BCAS3: variants seen among roughly 807,000 people sequenced by gnomAD.
The protein encoded by BCAS3 is BCAS4/BCAS3 fusion.
BCAS3 carries 53 observed loss-of-function variants against 116.1 expected under a neutral mutation model. The observed-to-expected ratio is 0.46, with a 90% CI of 0.37 to 0.57. The LOEUF is 0.57. Among genes scored for constraint, BCAS3 ranks in the 20% least tolerant of loss-of-function variants. The pLI is 0.00. For synonymous variants in BCAS3, 391 were observed against 408.2 expected, an observed-to-expected ratio of 0.96 and a Z score of 0.51; for missense variants, 917 against 1,165.4, an observed-to-expected ratio of 0.79 and a Z score of 3.10.
chr17:60,935,158 T>C (rs566910184), intron 13 of BCAS3, among the ~76,000 whole-genome samples: 1 of 152,006 alleles, frequency 6.6e-6, no homozygotes, highest in East Asian at 1.9e-4. Flanking sequence ...TATGGACTTA[T>C]TAACATAGAC....
At chr17:61,115,743 A>G (rs2075388961) in intron 22 of BCAS3, among the ~76,000 whole-genome samples, 2 of 147,594 alleles carry the variant, frequency 1.4e-5, no homozygotes, top group South Asian at 4.4e-4. Context: ...ATTACTGGGT[A>G]TATACCCAAA....
chr17:60,854,955 T>G (rs981795634), intron 7 of BCAS3, among the ~76,000 whole-genome samples: 1 of 141,058 alleles, frequency 7.1e-6, no homozygotes, highest in African/African-American at 2.7e-5. Flanking sequence ...TGAGGTTTTT[T>G]TTTTTTTTTT....
chr17:60,703,254 G>A (rs948719861), intron 4 of BCAS3, among the ~76,000 whole-genome samples: 3 of 149,650 alleles, frequency 2.0e-5, no homozygotes, highest in Admixed American at 1.3e-4. Context: ...CAGCCTGAGC[G>A]ACAGAGTGAG....
rs2061699333 is a variant in BCAS3, at chr17:60,967,063, A to G, written c.1221+19711A>G. ...AGATTTATCTTTTGGGTTTCATACT[A>G]GAGTTATGAGTGGATTGTACACCAC... On this transcript the variant is annotated intron_variant, in intron 14 of 23. Transcript: ENST00000407086. The surrounding 1 kb of genome is among the most constrained non-coding windows in gnomAD (Gnocchi z 4.7). 6.6e-6 allele frequency among the ~76,000 whole-genome samples: 1 copy of G among 152,192 alleles called. No individual in the cohort carries two copies. The highest frequency in any genetic ancestry group is 1.5e-5 in the Non-Finnish European group (1 of 68,034).
chr17:61,234,996 T>G (rs1847830931), intron 22 of BCAS3, among the ~76,000 whole-genome samples: 1 of 152,138 alleles, frequency 6.6e-6, no homozygotes. Flanking sequence ...CAAGCAATTC[T>G]CCTTCCTCAG....
rs146427138 is a variant in BCAS3 at position 60,748,165 on chromosome 17, A to G, written c.403+886A>G. ...AAAAAAATCTTATAAGACTTCTTGT[A>G]GCAGCTAATCCTCTAAATTTGTGAG... On this transcript the variant is annotated intron_variant, in intron 6 of 23. Transcript: ENST00000407086. Among the ~76,000 whole-genome samples the G allele has an allele frequency of 6.2e-4, 94 of 152,346 alleles. 4 individuals carry two copies. In the East Asian group the frequency reaches 0.017, roughly 28 times the overall value.
chr17:60,703,653 G>A (rs2036716182), intron 4 of BCAS3, among the ~76,000 whole-genome samples: 1 of 151,588 alleles, frequency 6.6e-6, no homozygotes, highest in African/African-American at 2.4e-5. Context: ...GGTGGCTCAC[G>A]CCTGTAATCC....
rs2072911302 is a variant in BCAS3, at chr17:61,084,406, T to C, written c.2328-61T>C. ...CCAGCATTCCTGATTTAAGGTCATT[T>C]GTAGCAAGTGACAGTTTTGATGCCA... On this transcript the variant is annotated intron_variant, in intron 21 of 23. Coordinates refer to ENST00000407086, the MANE Select transcript of BCAS3 (RefSeq NM_017679.5). The surrounding 1 kb of genome is among the most constrained non-coding windows in gnomAD (Gnocchi z 5.5). The C allele has an allele frequency of 8.1e-6, 11 of 1,356,318 alleles. No individual in the cohort carries two copies. Among genetic ancestry groups the C allele is most frequent in the Non-Finnish European group, 1.1e-5 (11 of 968,248 alleles). The allele number at this position is 1,356,318 out of a possible 1,614,324, so 84.0% of individuals were successfully genotyped here. A position where few individuals can be genotyped will look rare whatever the true frequency, so the allele number is the denominator to read the frequency against.
intron 13 of BCAS3, among the ~76,000 whole-genome samples, chr17:60,928,400 CA>C (rs1414086017): frequency 1.3e-5 from 2 of 152,060 alleles, no homozygotes; most frequent in Non-Finnish European, 2.9e-5. Context: ...GATTGTGAAC[CA>C]TAGTCTGTAT....
At chr17:60,724,720 TAAAAA>T (rs111941126) in intron 5 of BCAS3, among the ~76,000 whole-genome samples, 1 of 137,672 alleles carries the variant, frequency 7.3e-6, no homozygotes, top group African/African-American at 2.7e-5. Flanking sequence ...AGACTTCCTC[TAAAAA>T]AAAAAAAAAT....
chr17:60,823,692 G>T (rs773578635), intron 7 of BCAS3, among the ~76,000 whole-genome samples: 1 of 152,106 alleles, frequency 6.6e-6, no homozygotes, highest in Non-Finnish European at 1.5e-5. Flanking sequence ...AGGAAGTTTC[G>T]TCATCTCCAA....
intron 12 of BCAS3, among the ~76,000 whole-genome samples, chr17:60,915,874 G>A (rs962881490): frequency 1.2e-4 from 18 of 151,644 alleles, no homozygotes; most frequent in Non-Finnish European, 2.4e-4. Flanking sequence ...TAGTAGAGAC[G>A]GGGTTTCGCC....
In BCAS3 at chr17:61,229,189, T is replaced by A. The variant is rs2082527292; in HGVS notation, c.2426-139138T>A. Among the ~76,000 whole-genome samples the A allele has an allele frequency of 6.6e-6, 1 of 152,162 alleles. No individual in the cohort carries two copies. Among genetic ancestry groups the A allele is most frequent in the African/African-American group, 2.4e-5 (1 of 41,440 alleles). On this transcript the variant is annotated intron_variant, in intron 22 of 23. Coordinates refer to ENST00000407086, the MANE Select transcript of BCAS3 (RefSeq NM_017679.5). The surrounding 1 kb of genome is among the most constrained non-coding windows in gnomAD (Gnocchi z 4.4). ...CCACCGCACCTGGCCACCACCACAT[T>A]CCTTTAAGCCAAAGCCTAATCCAGA...
rs934125015 is a variant in BCAS3 at position 60,960,139 on chromosome 17, G to A, written c.1221+12787G>A. On this transcript the variant is annotated intron_variant, in intron 14 of 23. Transcript: ENST00000407086. The surrounding 1 kb of genome is among the most constrained non-coding windows in gnomAD (Gnocchi z 4.1). Reference sequence around the variant, plus strand: ...TTTGGGGGCTATAATTCACTTCTCTGTATTCTATCCTCTGCCTCCCAGAAT... The same window carrying A: ...TTTGGGGGCTATAATTCACTTCTCTATATTCTATCCTCTGCCTCCCAGAAT... Among the ~76,000 whole-genome samples the A allele has an allele frequency of 1.3e-5, 2 of 152,070 alleles. No homozygotes were observed. The highest frequency in any genetic ancestry group is 2.4e-5 in the African/African-American group (1 of 41,418).
intron 7 of BCAS3, among the ~76,000 whole-genome samples, chr17:60,821,023 T>G (rs753355733): frequency 1.3e-5 from 2 of 152,202 alleles, no homozygotes; most frequent in Non-Finnish European, 2.9e-5. Flanking sequence ...CTCGGCTCAC[T>G]GCAACCTCCG....
chr17:61,205,139 T>C lies in BCAS3; in HGVS notation c.2425+120575T>C, dbSNP rs971361765. On this transcript the variant is annotated intron_variant, in intron 22 of 23. Coordinates refer to ENST00000407086, the MANE Select transcript of BCAS3 (RefSeq NM_017679.5). This position sits in a 1 kb window ranked among gnomAD's most constrained non-coding sequence, Gnocchi z 5.2. The stretch of plus-strand genomic sequence containing the variant: ...AGTAAGAAGTATTATTTTTCTCATT[T>C]CTACCTATGAAAAAAAGGTTGAAAC... 1.3e-5 allele frequency among the ~76,000 whole-genome samples: 2 copies of C among 152,182 alleles called. No homozygotes were observed. The highest frequency in any genetic ancestry group is 2.9e-5 in the Non-Finnish European group (2 of 68,032).
At chr17:60,751,814 A>G (rs2042495285) in intron 6 of BCAS3, among the ~76,000 whole-genome samples, 1 of 152,154 alleles carries the variant, frequency 6.6e-6, no homozygotes, top group African/African-American at 2.4e-5. Flanking sequence ...AAGTGCTGGG[A>G]TTACAGGTGT....
intron 7 of BCAS3, among the ~76,000 whole-genome samples, chr17:60,816,924 G>A (rs2049477478): frequency 6.6e-6 from 1 of 152,146 alleles, no homozygotes; most frequent in Non-Finnish European, 1.5e-5. Flanking sequence ...TCAGCAGCTG[G>A]GCTTTACGGC....
chr17:60,733,213 G>A (rs114497695), intron 5 of BCAS3, among the ~76,000 whole-genome samples: 4,837 of 152,226 alleles, frequency 0.032, 243 homozygotes, highest in African/African-American at 0.11. Context: ...TAGTAAATTT[G>A]TATAGCTAAT....
Sources: allele counts gnomAD v4.1 joint callset (sites outside exome capture counted in the v4.1 genomes callset), GRCh38; gene constraint gnomAD v4.1.1; non-coding constraint Gnocchi (gnomAD v3.1); transcripts MANE v1.5; gene names NCBI Gene and HGNC (gene_info 2026-07-23, HGNC 2026-07-21).